The following ARHGEF9 variants were observed in gnomAD, a reference collection of about 807,000 sequenced individuals.
The protein encoded by ARHGEF9 is rho guanine nucleotide exchange factor 9.
Under a neutral mutation model 41.3 loss-of-function variants are expected in ARHGEF9, and 2 were observed. The observed-to-expected ratio is 0.05, with a 90% CI of 0.02 to 0.15. ARHGEF9 has a LOEUF of 0.15. ARHGEF9 is among the 10% of genes least tolerant of loss of function. The probability of loss-of-function intolerance (pLI) is 1.00; values close to 1 mark genes in which losing one functional copy is unlikely to be tolerated. For synonymous variants in ARHGEF9, 160 were observed against 154.4 expected (o/e 1.04, Z -0.27); for missense variants, 225 against 424.7 (o/e 0.53, Z 4.13).
At chrX:63,731,635 C>T (rs782139201) in intron 1 of ARHGEF9, among the ~76,000 whole-genome samples, 24 of 103,017 alleles carry the variant, frequency 2.3e-4, no homozygotes, top group African/African-American at 8.2e-4. Context: ...TCTCGGTTCA[C>T]TGCAACCTCC....
At chrX:63,754,899 C>T (rs1602719337) in intron 1 of ARHGEF9, 14 of 939,833 alleles carry the variant, frequency 1.5e-5, no homozygotes, top group African/African-American at 1.4e-4. Context: ...TCCTAGCTTT[C>T]AAAGGGAAAG....
chrX:63,718,544 T>G (rs1383974373), intron 2 of ARHGEF9, among the ~76,000 whole-genome samples: 1 of 110,819 alleles, frequency 9.0e-6, no homozygotes, highest in African/African-American at 3.3e-5. Context: ...CCCAAGATCA[T>G]AGCCTCAACT....
At chrX:63,694,532 C>T (rs1311642862) in intron 4 of ARHGEF9, among the ~76,000 whole-genome samples, 9 of 111,869 alleles carry the variant, frequency 8.0e-5, no homozygotes, top group African/African-American at 2.6e-4. Context: ...AAAGGATAAA[C>T]GAAAGATATA....
At chrX:63,673,581 C>A (rs1228232423) in intron 6 of ARHGEF9, among the ~76,000 whole-genome samples, 1 of 109,971 alleles carries the variant, frequency 9.1e-6, no homozygotes, top group Non-Finnish European at 1.9e-5. Flanking sequence ...AATAGAGAGA[C>A]CTAATAGATG....
chrX:63,647,974 T>A (rs186661225), intron 8 of ARHGEF9, among the ~76,000 whole-genome samples: 1 of 111,459 alleles, frequency 9.0e-6, no homozygotes, highest in Non-Finnish European at 1.9e-5. Context: ...CTATGTCTGA[T>A]TGGTGTACCT....
At chrX:63,756,155 T>G (rs1301520216) in intron 1 of ARHGEF9, among the ~76,000 whole-genome samples, 5 of 111,812 alleles carry the variant, frequency 4.5e-5, no homozygotes, top group African/African-American at 1.6e-4. Context: ...CTCCTGTCAA[T>G]GAGGACTTAG....
intron 1 of ARHGEF9, among the ~76,000 whole-genome samples, chrX:63,761,066 T>C (rs1315742715): frequency 9.0e-6 from 1 of 111,467 alleles, no homozygotes; most frequent in African/African-American, 3.3e-5. Context: ...AGCTCCTCAG[T>C]CCTGGCTTTC....
At position 63,673,178 on chromosome X, in the gene ARHGEF9, C is replaced by T. The variant is rs549630077; in HGVS notation, c.945+860G>A. On this transcript the variant is annotated intron_variant, in intron 6 of 9. Transcript: ENST00000671741. Reference sequence around the variant, plus strand: ...TGATGCTTGGTTCCCTTGGAACGGGCTAAAATACTTTAAGTATTAAGAGAA... The same window carrying T: ...TGATGCTTGGTTCCCTTGGAACGGGTTAAAATACTTTAAGTATTAAGAGAA... Among the ~76,000 whole-genome samples the T allele has an allele frequency of 5.4e-5, 6 of 111,265 alleles. No homozygotes were observed. The South Asian group carries it at 2.3e-3, about 42-fold the overall frequency.
At position 63,749,792 on chromosome X, in the gene ARHGEF9, G is replaced by T. The variant is rs1556438717; in HGVS notation, c.31-25081C>A. Among the ~76,000 whole-genome samples the T allele has an allele frequency of 3.6e-5, 4 of 112,452 alleles. No homozygotes were observed. In the South Asian group the frequency reaches 1.5e-3, roughly 42 times the overall value. ...TTATTAGTATTGTCATTACTGGACT[G>T]CTTCCTGAGCCTTCTCTCCCCTCTA... On this transcript the variant is annotated intron_variant, in intron 1 of 9. Transcript: ENST00000671741.
At chrX:63,777,056 T>C (rs1397037074) in intron 1 of ARHGEF9, among the ~76,000 whole-genome samples, 3 of 111,968 alleles carry the variant, frequency 2.7e-5, no homozygotes, top group South Asian at 3.7e-4. Flanking sequence ...AGGAAGCATG[T>C]CATGTATTAG....
chrX:63,644,588 C>T (rs1475285039), intron 8 of ARHGEF9, among the ~76,000 whole-genome samples: 1 of 109,496 alleles, frequency 9.1e-6, no homozygotes, highest in Non-Finnish European at 1.9e-5. Flanking sequence ...GATGAGCATA[C>T]ATAGATGCAC....
chrX:63,749,196 G>A (rs2055454368), intron 1 of ARHGEF9, among the ~76,000 whole-genome samples: 1 of 112,011 alleles, frequency 8.9e-6, no homozygotes, highest in African/African-American at 3.2e-5. Flanking sequence ...TGACTTCAGG[G>A]ATGACTCCCA....
intron 8 of ARHGEF9, among the ~76,000 whole-genome samples, chrX:63,647,981 A>G: frequency 9.0e-6 from 1 of 111,700 alleles, no homozygotes; most frequent in South Asian, 3.8e-4. Flanking sequence ...TGATTGGTGT[A>G]CCTGAAAGTG....
chrX:63,706,457 A>C lies in ARHGEF9; in HGVS notation c.211-8T>G. ...CTCCTGGTTCACCCAGAGCTGTGGA[A>C]GCAGGCAAAAGAAAAATAATGAGTT... On this transcript the variant is annotated splice_polypyrimidine_tract_variant and splice_region_variant and intron_variant, in intron 2 of 9. Coordinates refer to ENST00000671741, the MANE Select transcript of ARHGEF9 (RefSeq NM_001353921.2). 8.3e-7 allele frequency: 1 copy of C among 1,200,256 alleles called. No homozygotes were observed. The highest frequency in any genetic ancestry group is 1.1e-6 in the Non-Finnish European group (1 of 890,381).
intron 2 of ARHGEF9, among the ~76,000 whole-genome samples, chrX:63,716,661 G>C (rs781786165): frequency 8.9e-6 from 1 of 111,956 alleles, no homozygotes; most frequent in Admixed American, 9.4e-5. Context: ...GCTTATTGAA[G>C]CACACTAAAC....
At chrX:63,716,968 A>G (rs1402365971) in intron 2 of ARHGEF9, among the ~76,000 whole-genome samples, 1 of 112,300 alleles carries the variant, frequency 8.9e-6, no homozygotes, top group Non-Finnish European at 1.9e-5. Flanking sequence ...ACAGTAAGCT[A>G]TGCTTACTTT....
At chrX:63,761,954 T>G (rs781952740) in intron 1 of ARHGEF9, among the ~76,000 whole-genome samples, 12 of 112,047 alleles carry the variant, frequency 1.1e-4, no homozygotes, top group Admixed American at 1.9e-4. Flanking sequence ...AGCAAAGGTC[T>G]AAAAGCCCCT....
At chrX:63,683,218 AAAAG>A (rs1238957421) in intron 4 of ARHGEF9, among the ~76,000 whole-genome samples, 3 of 111,827 alleles carry the variant, frequency 2.7e-5, no homozygotes, top group Non-Finnish European at 5.6e-5. Flanking sequence ...ATGTATCAAA[AAAAG>A]AAATTTTAAA....
intron 8 of ARHGEF9, among the ~76,000 whole-genome samples, chrX:63,646,300 T>C (rs1200511335): frequency 4.5e-5 from 5 of 112,244 alleles, no homozygotes; most frequent in African/African-American, 1.3e-4. Flanking sequence ...ATGAAGTCCT[T>C]GCCCATGCGT....
Sources: allele counts gnomAD v4.1 joint callset (sites outside exome capture counted in the v4.1 genomes callset), GRCh38; gene constraint gnomAD v4.1.1; transcripts MANE v1.5; gene names NCBI Gene and HGNC (gene_info 2026-07-23, HGNC 2026-07-21).